Variants in ANKRD31 observed in about 807,000 individuals in gnomAD.
ANKRD31 encodes ankyrin repeat domain-containing protein 31.
ANKRD31 carries 147 observed loss-of-function variants against 186.0 expected under a neutral mutation model. That is an observed-to-expected ratio of 0.79 (90% CI 0.69 to 0.91). The LOEUF (loss-of-function observed/expected upper bound fraction) is 0.91, where lower values mean the gene tolerates loss of function less well. Ranked by LOEUF, ANKRD31 falls within the 40% of genes least tolerant of loss-of-function variation. ANKRD31 has a pLI of 0.00. For missense variants in ANKRD31, 1,986 were observed against 2,148.8 expected (o/e 0.92, Z 1.50); for synonymous variants, 673 against 736.4 (o/e 0.91, Z 1.39).
intron 11 of ANKRD31, among the ~76,000 whole-genome samples, chr5:75,166,381 G>A (rs994451602): frequency 6.6e-6 from 1 of 152,142 alleles, no homozygotes; most frequent in Non-Finnish European, 1.5e-5. Flanking sequence ...TGAGGCACAA[G>A]AAGCGCTTGA....
At chr5:75,202,602 C>T (rs1315272313) in intron 5 of ANKRD31, among the ~76,000 whole-genome samples, 2 of 152,172 alleles carry the variant, frequency 1.3e-5, no homozygotes, top group African/African-American at 2.4e-5. Context: ...TGTTTTAAGG[C>T]CAAAGCTATT....
chr5:75,084,431 A>T (rs928616775), intron 23 of ANKRD31, 57 bp from the exon 24 acceptor site: 1 of 1,200,378 alleles, frequency 8.3e-7, no homozygotes, highest in Non-Finnish European at 1.2e-6. Context: ...AAGGAAATAC[A>T]CCTATGTCCT....
intron 18 of ANKRD31, among the ~76,000 whole-genome samples, chr5:75,116,979 G>T (rs972821449): frequency 6.6e-6 from 1 of 152,122 alleles, no homozygotes; most frequent in Non-Finnish European, 1.5e-5. Context: ...GCTTAGAGGG[G>T]TTCAAGAAGT....
chr5:75,194,484 C>T (rs1460391560), intron 7 of ANKRD31, among the ~76,000 whole-genome samples: 1 of 152,098 alleles, frequency 6.6e-6, no homozygotes, highest in Non-Finnish European at 1.5e-5. Context: ...TTAAACAGAA[C>T]TTCATGCAGT....
chr5:75,177,487 G>T (rs1454672520), intron 10 of ANKRD31, among the ~76,000 whole-genome samples: 2 of 152,134 alleles, frequency 1.3e-5, no homozygotes, highest in Non-Finnish European at 2.9e-5. Context: ...CACAGAGAAA[G>T]GTCGAGTTAC....
intron 21 of ANKRD31, among the ~76,000 whole-genome samples, chr5:75,105,986 C>T (rs1747301971): frequency 6.6e-6 from 1 of 152,098 alleles, no homozygotes; most frequent in Non-Finnish European, 1.5e-5. Flanking sequence ...TTCAGTGGTT[C>T]TCAAACTTTT....
chr5:75,226,774 GC>G (rs1757652335), intron 2 of ANKRD31, among the ~76,000 whole-genome samples: 1 of 152,180 alleles, frequency 6.6e-6, no homozygotes, highest in African/African-American at 2.4e-5. Flanking sequence ...AATAACAAAT[GC>G]TGGTGAAGAT....
At chr5:75,221,037 C>T (rs1757270838) in intron 3 of ANKRD31, among the ~76,000 whole-genome samples, 1 of 152,112 alleles carries the variant, frequency 6.6e-6, no homozygotes, top group African/African-American at 2.4e-5. Flanking sequence ...ATGGATGGAA[C>T]TGGAGGCCAT....
chr5:75,110,049 C>A (rs1289781683), intron 20 of ANKRD31, among the ~76,000 whole-genome samples: 1 of 152,166 alleles, frequency 6.6e-6, no homozygotes, highest in Non-Finnish European at 1.5e-5. Context: ...CAGGGTCCCA[C>A]TGCCTTACCT....
At chr5:75,114,824 C>T (rs1748076627) in intron 19 of ANKRD31, among the ~76,000 whole-genome samples, 1 of 152,132 alleles carries the variant, frequency 6.6e-6, no homozygotes, top group Non-Finnish European at 1.5e-5. Context: ...TGAAAATGGC[C>T]ATACTGCCCA....
intron 7 of ANKRD31, among the ~76,000 whole-genome samples, chr5:75,194,992 A>G (rs1422152205): frequency 6.6e-6 from 1 of 152,152 alleles, no homozygotes; most frequent in Non-Finnish European, 1.5e-5. Flanking sequence ...AATAAAGATT[A>G]TTTTTAAAAA....
chr5:75,193,190 T>C, intron 8 of ANKRD31, 121 bp downstream of exon 8: 3 of 1,173,084 alleles, frequency 2.6e-6, no homozygotes, highest in African/African-American at 1.6e-5. Flanking sequence ...AAAGCAATAA[T>C]ATAAAAAATA....
intron 3 of ANKRD31, among the ~76,000 whole-genome samples, chr5:75,214,026 C>G (rs1470818489): frequency 5.9e-5 from 9 of 152,194 alleles, no homozygotes; most frequent in Non-Finnish European, 1.3e-4. Flanking sequence ...TTGCTAACAA[C>G]ATTTGCTTAA....
chr5:75,131,032 C>T (rs907506468), intron 17 of ANKRD31, among the ~76,000 whole-genome samples: 1 of 152,246 alleles, frequency 6.6e-6, no homozygotes, highest in Non-Finnish European at 1.5e-5. Flanking sequence ...CGGGACCCAG[C>T]CTCCTATCAA....
chr5:75,122,630 T>C lies in ANKRD31; in HGVS notation c.3877-4333A>G, dbSNP rs1359189902. Among the ~76,000 whole-genome samples, 3 of 152,056 alleles carry C rather than the reference T, an allele frequency of 2.0e-5. No homozygotes were observed. In the East Asian group the frequency reaches 5.8e-4, roughly 29 times the overall value. On this transcript the variant is annotated intron_variant, in intron 17 of 25. Transcript: ENST00000506364. ...AGGGATGCAAGGATGGCTCAACATA[T>C]ACAAACCAATAAATGTGATTTATTA... is the stretch of plus-strand genomic sequence containing the variant.
rs934770297 is a variant in ANKRD31, at chr5:75,068,421, G to A, written c.*98C>T. 2 of 1,164,416 alleles carry A rather than the reference G, an allele frequency of 1.7e-6. No individual in the cohort carries two copies. The highest frequency in any genetic ancestry group is 2.3e-6 in the Non-Finnish European group (2 of 878,832). 72.1% of individuals were successfully genotyped at this position (1,164,416 alleles called of 1,614,324 possible). ...CATCCTAAATAGCAACTCATAAAGTGTATGTTAAAATAGGCCCACCAGATT... is the reference window on the plus strand; with the variant it reads ...CATCCTAAATAGCAACTCATAAAGTATATGTTAAAATAGGCCCACCAGATT... On this transcript the variant is annotated 3_prime_UTR_variant, in exon 26 of 26. Coordinates refer to ENST00000506364, the MANE Select transcript of ANKRD31 (RefSeq NM_001372053.1).
intron 3 of ANKRD31, among the ~76,000 whole-genome samples, chr5:75,221,460 T>A (rs1488402500): frequency 6.6e-6 from 1 of 152,220 alleles, no homozygotes; most frequent in African/African-American, 2.4e-5. Flanking sequence ...ACAGGCTATA[T>A]CTTCTTCACA....
chr5:75,214,649 G>T (rs1756858167), intron 3 of ANKRD31, among the ~76,000 whole-genome samples: 1 of 152,052 alleles, frequency 6.6e-6, no homozygotes, highest in African/African-American at 2.4e-5. Context: ...CCCCTTCAAG[G>T]TTCTCTTTAA....
chr5:75,207,967 C>T (rs1367437944), intron 4 of ANKRD31, among the ~76,000 whole-genome samples: 1 of 151,738 alleles, frequency 6.6e-6, no homozygotes, highest in African/African-American at 2.4e-5. Context: ...ATATTAGAAA[C>T]TAAAATGAAG....
Sources: gnomAD v4.1 joint callset for allele counts (sites outside exome capture counted in the v4.1 genomes callset) on GRCh38, gnomAD v4.1.1 for gene constraint, MANE v1.5 for transcripts, NCBI Gene and HGNC (gene_info 2026-07-23, HGNC 2026-07-21) for gene names.